NBPF12: variants seen among roughly 807,000 people sequenced by gnomAD.
NBPF12 encodes NBPF member 12.
NBPF12 carries 115 observed loss-of-function variants against 146.4 expected under a neutral mutation model. The ratio of observed to expected loss-of-function variants is 0.79; its 90% confidence interval spans 0.68 to 0.92. The LOEUF is 0.92. NBPF12 is among the 40% of genes least tolerant of loss of function. The pLI, the probability that NBPF12 is intolerant of heterozygous loss-of-function variation, is 0.00. For missense variants in NBPF12, 1,205 were observed against 1,326.8 expected (o/e 0.91, Z 1.43); for synonymous variants, 385 against 508.9 (o/e 0.76, Z 3.28).
intron 9 of NBPF12, among the ~76,000 whole-genome samples, chr1:146,967,156 G>C (rs1304229175): frequency 2.0e-5 from 3 of 150,588 alleles, no homozygotes; most frequent in Non-Finnish European, 4.4e-5. Flanking sequence ...GGGGCTTCAA[G>C]AGGAGTCTGC....
Position 146,974,859 on chromosome 1 carries a change from G to T in NBPF12, c.1904+18G>T. 3 of 1,286,206 alleles carry T rather than the reference G, an allele frequency of 2.3e-6. 1 individual carries two copies. Among genetic ancestry groups the T allele is most frequent in the Admixed American group, 4.7e-5 (2 of 42,112 alleles). 79.7% of individuals were successfully genotyped at this position (1,286,206 alleles called of 1,614,324 possible). Reference sequence around the variant, plus strand: ...GAGCTCAGGTGAGGGGACCCCATGGGGGCAGACAGGGGGGCAGGTGTGTAA... The same window carrying T: ...GAGCTCAGGTGAGGGGACCCCATGGTGGCAGACAGGGGGGCAGGTGTGTAA... On this transcript the variant is annotated intron_variant, in intron 15 of 33. Transcript: ENST00000617844.
At position 146,970,553 on chromosome 1, in the gene NBPF12, A is replaced by G. The variant is rs1386577731; in HGVS notation, c.1307-94A>G. The stretch of plus-strand genomic sequence containing the variant: ...AGAGTTTTCAGTACAATGCTGAACC[A>G]TACATAGATGTTCATGTCTCTGTGC... On this transcript the variant is annotated intron_variant, in intron 11 of 33. Transcript: ENST00000617844. 20 of 1,475,254 alleles carry G rather than the reference A, an allele frequency of 1.4e-5. 1 individual carries two copies. The East Asian group carries it at 2.3e-4, about 17-fold the overall frequency. The allele number at this position is 1,475,254 out of a possible 1,614,324, so 91.4% of individuals were successfully genotyped here. A position where few individuals can be genotyped will look rare whatever the true frequency, so the allele number is the denominator to read the frequency against.
At chr1:146,948,393 G>A (rs1395001445), upstream of NBPF12, among the ~76,000 whole-genome samples, 1 of 151,698 alleles carries the variant, frequency 6.6e-6, no homozygotes, top group Non-Finnish European at 1.5e-5. Flanking sequence ...ATTTTGTTCT[G>A]TACTAAGAAA....
At chr1:146,995,027 CA>C (rs1658458771) in exon 34 of NBPF12, 1 of 206,226 alleles carries the variant, frequency 4.8e-6, no homozygotes, top group African/African-American at 2.5e-5. Context: ...CCATCTGTAA[CA>C]CAGGAGGGAT....
upstream of NBPF12, among the ~76,000 whole-genome samples, chr1:146,938,571 C>G (rs1241857500): frequency 6.6e-6 from 1 of 152,024 alleles, no homozygotes; most frequent in African/African-American, 2.4e-5. Flanking sequence ...GCCCGCGGCC[C>G]GAACCCGTTG....
At chr1:146,977,979 C>T (rs1177358417) in intron 18 of NBPF12, among the ~76,000 whole-genome samples, 3 of 151,972 alleles carry the variant, frequency 2.0e-5, no homozygotes, top group Admixed American at 6.6e-5. Context: ...GTGATTTAGT[C>T]ATCTGTCCAT....
At chr1:146,994,428 T>G (rs1553890059) in exon 34 of NBPF12, 1 of 1,612,306 alleles carries the variant, frequency 6.2e-7, no homozygotes, top group East Asian at 2.2e-5. Context: ...TTGAACTACC[T>G]GACTCATTCC....
rs2101874160 is a variant in NBPF12 at position 146,970,635 on chromosome 1, T to C, written c.1307-12T>C. The C allele has an allele frequency of 7.1e-6, 11 of 1,554,300 alleles. No individual in the cohort carries two copies. The highest frequency in any genetic ancestry group is 9.7e-6 in the Non-Finnish European group (11 of 1,129,118). On this transcript the variant is annotated splice_polypyrimidine_tract_variant and intron_variant, in intron 11 of 33. Coordinates refer to ENST00000617844, the Ensembl canonical transcript of NBPF12. ...AGTGGAAAATATCTGAACGAACATTTTGTATTTATAGAAAATGATGAAGAT... is the reference window on the plus strand; with the variant it reads ...AGTGGAAAATATCTGAACGAACATTCTGTATTTATAGAAAATGATGAAGAT...
At chr1:146,994,345 C>G (rs1184279135) in exon 34 of NBPF12, 129 of 1,611,580 alleles carry the variant, frequency 8.0e-5, no homozygotes, top group Non-Finnish European at 9.7e-5. Context: ...CAACAGCGTG[C>G]TGATGGAAGT....
At position 146,994,403 on chromosome 1, in the gene NBPF12, C is replaced by G. The variant is rs782014227; in HGVS notation, c.4202C>G (p.Thr1401Ser). 867 of 1,612,192 alleles carry G rather than the reference C, an allele frequency of 5.4e-4. 2 individuals are homozygous for G. The highest frequency in any genetic ancestry group is 1.4e-3 in the Middle Eastern group (7 of 5,020). ...GACTCACTGGATAGATGTTATTCGA[C>G]TCCATCAATGTACTTTGAACTACCT... Residue 1401 changes from threonine to serine, a missense_variant, in exon 34 of 34, where the codon ACT becomes AGT. Physicochemically the swap from Thr to Ser is moderately conservative, Grantham distance 58. This residue lies in a region of NBPF12 where 210 missense variants were observed against 94.4 expected (regional missense o/e 2.22). Coordinates refer to ENST00000617844, the Ensembl canonical transcript of NBPF12.
At chr1:146,976,825 G>C in intron 16 of NBPF12, 104 bp from the exon 20 acceptor site, 1 of 559,256 alleles carries the variant, frequency 1.8e-6, no homozygotes, top group Non-Finnish European at 3.2e-6. Context: ...TCAGTTGAAC[G>C]GTGACCCATG....
At chr1:146,995,463 GA>G (rs1658485622) in exon 34 of NBPF12, 1 of 131,262 alleles carries the variant, frequency 7.6e-6, no homozygotes, top group Non-Finnish European at 1.6e-5. Flanking sequence ...ATTTTGGGTT[GA>G]AAAAAAGTAA....
intron 11 of NBPF12, 129 bp from the exon 15 acceptor site, chr1:146,970,518 A>G (rs1656530062): frequency 7.8e-7 from 1 of 1,285,150 alleles, no homozygotes; most frequent in Non-Finnish European, 1.1e-6. Context: ...TTTGTGAAAG[A>G]TAAAACATGA....
At chr1:146,963,381 T>G (rs1462102863) in intron 6 of NBPF12, 72 bp downstream of exon 9, 13 of 1,522,898 alleles carry the variant, frequency 8.5e-6, no homozygotes, top group Admixed American at 3.6e-5. Context: ...CATACTTTCA[T>G]GATGACAGTT....
intron 13 of NBPF12, among the ~76,000 whole-genome samples, chr1:146,972,381 G>T (rs1656704015): frequency 6.6e-6 from 1 of 151,166 alleles, no homozygotes; most frequent in Non-Finnish European, 1.5e-5. Flanking sequence ...GTGACAGAGT[G>T]AGACGCCGTC....
chr1:146,971,337 G>A (rs1553886422), exon 13 of NBPF12: 7 of 1,611,726 alleles, frequency 4.3e-6, no homozygotes, highest in Non-Finnish European at 5.9e-6. Flanking sequence ...CTCATCTCTG[G>A]TTGTAGACAG....
chr1:146,967,552 G>A (rs1256294275), intron 9 of NBPF12, among the ~76,000 whole-genome samples: 9 of 149,834 alleles, frequency 6.0e-5, no homozygotes, highest in Non-Finnish European at 1.3e-4. Context: ...GAGTAGCTTG[G>A]TGAGAGTGAA....
chr1:146,939,498 C>A (rs1654696754), intron 1 of NBPF12, among the ~76,000 whole-genome samples: 1 of 151,978 alleles, frequency 6.6e-6, no homozygotes, highest in Non-Finnish European at 1.5e-5. Context: ...ATCACTGAAT[C>A]ACCTCATGAC....
intron 17 of NBPF12, 127 bp downstream of exon 20, chr1:146,977,128 T>C: frequency 4.7e-6 from 4 of 842,540 alleles, no homozygotes; most frequent in East Asian, 2.4e-5. Context: ...ATGTGAAATA[T>C]AACCCAGCTT....
Sources: gnomAD v4.1 joint callset for allele counts (sites outside exome capture counted in the v4.1 genomes callset) on GRCh38, gnomAD v4.1.1 for gene constraint, gnomAD v4.1.1 regional missense constraint, MANE v1.5 for transcripts, NCBI Gene and HGNC (gene_info 2026-07-23, HGNC 2026-07-21) for gene names.